The following GOSR2 variants were observed in gnomAD, a reference collection of about 807,000 sequenced individuals.
GOSR2 encodes the protein golgi SNAP receptor complex member 2.
GOSR2 carries 20 observed loss-of-function variants against 27.9 expected under a neutral mutation model. That is an observed-to-expected ratio of 0.72 (90% CI 0.50 to 1.04). The LOEUF (loss-of-function observed/expected upper bound fraction) is 1.04, where lower values mean the gene tolerates loss of function less well. Ranked by LOEUF, GOSR2 falls within the 50% of genes least tolerant of loss-of-function variation. The probability of loss-of-function intolerance (pLI) is 0.00; values close to 1 mark genes in which losing one functional copy is unlikely to be tolerated. For synonymous variants in GOSR2, 91 were observed against 98.8 expected, an observed-to-expected ratio of 0.92 and a Z score of 0.47; for missense variants, 261 against 270.5, an observed-to-expected ratio of 0.97 and a Z score of 0.25.
intron 1 of GOSR2, among the ~76,000 whole-genome samples, chr17:46,927,488 C>G (rs1484044425): frequency 6.6e-6 from 1 of 152,046 alleles, no homozygotes; most frequent in East Asian, 1.9e-4. Flanking sequence ...TTTATGCACA[C>G]CTGTATTTTC....
chr17:46,949,194 A>G (rs1432715665), intron 6 of GOSR2: 2 of 152,178 alleles, frequency 1.3e-5, no homozygotes, highest in Non-Finnish European at 2.9e-5. Flanking sequence ...CTGGGAGGAG[A>G]ATCATCTGAA....
chr17:46,940,820 CT>C lies in GOSR2; in HGVS notation c.*2061del. The C allele has an allele frequency of 6.8e-7, 1 of 1,468,134 alleles. No homozygotes were observed. The highest frequency in any genetic ancestry group is 9.0e-7 in the Non-Finnish European group (1 of 1,111,322). 90.9% of individuals were successfully genotyped at this position (1,468,134 alleles called of 1,614,324 possible). ...GTTTTTGGGTCTTTACCACCTGCGG[CT>C]GGTGGACAGCAGCCAGTGTGTCTGG... is the stretch of plus-strand genomic sequence containing the variant. On this transcript the variant is annotated 3_prime_UTR_variant, in exon 6 of 6. Transcript: ENST00000640051.
At chr17:46,942,700 G>A (rs750694626), downstream of GOSR2, among the ~76,000 whole-genome samples, 10 of 152,258 alleles carry the variant, frequency 6.6e-5, no homozygotes, top group Non-Finnish European at 1.2e-4. Flanking sequence ...CTCAGGCCTT[G>A]CCCCTAGGGG....
intron 1 of GOSR2, among the ~76,000 whole-genome samples, chr17:46,924,953 A>C (rs1298422231): frequency 6.6e-6 from 1 of 152,200 alleles, no homozygotes; most frequent in Non-Finnish European, 1.5e-5. Flanking sequence ...TTTATATTCA[A>C]GAATAACTTT....
intron 6 of GOSR2, chr17:46,952,668 TGA>T (rs1234658622): frequency 6.6e-6 from 1 of 152,122 alleles, no homozygotes; most frequent in East Asian, 1.9e-4. Context: ...TCCAGCTATG[TGA>T]GAGGCCACCT....
exon 7 of GOSR2, chr17:46,966,765 A>G (rs551446438): frequency 1.3e-4 from 61 of 465,326 alleles, no homozygotes; most frequent in African/African-American, 1.2e-3. Flanking sequence ...TGGAGATGAC[A>G]ATAGCACCTG....
At chr17:46,925,715 T>C (rs1463939079) in intron 1 of GOSR2, among the ~76,000 whole-genome samples, 3 of 152,170 alleles carry the variant, frequency 2.0e-5, no homozygotes, top group Admixed American at 6.5e-5. Flanking sequence ...GCTGAACTTA[T>C]TAATTTTACT....
At chr17:46,943,202 A>G (rs902703047), downstream of GOSR2, among the ~76,000 whole-genome samples, 2 of 152,098 alleles carry the variant, frequency 1.3e-5, no homozygotes, top group Non-Finnish European at 2.9e-5. Flanking sequence ...GCAGAGACCA[A>G]CTAGGGGCAG....
downstream of GOSR2, among the ~76,000 whole-genome samples, chr17:46,946,282 CAAAAA>C (rs58163051): frequency 0.013 from 1,628 of 126,730 alleles, 20 homozygotes; most frequent in Non-Finnish European, 0.02. Context: ...CTAAAAATAC[CAAAAA>C]AAAAAAAAAA....
At chr17:46,944,174 C>T (rs2089623634), downstream of GOSR2, among the ~76,000 whole-genome samples, 1 of 152,206 alleles carries the variant, frequency 6.6e-6, no homozygotes, top group South Asian at 2.1e-4. Context: ...ATTCCGTCTT[C>T]CAGAGCCCTG....
intron 6 of GOSR2, chr17:46,952,774 G>A (rs992873456): frequency 6.6e-6 from 1 of 152,184 alleles, no homozygotes; most frequent in African/African-American, 2.4e-5. Flanking sequence ...AGCCATGCCT[G>A]AAGCCTCAGA....
intron 6 of GOSR2, among the ~76,000 whole-genome samples, chr17:46,962,557 C>T (rs1021972045): frequency 2.0e-5 from 3 of 152,186 alleles, no homozygotes; most frequent in Non-Finnish European, 4.4e-5. Context: ...AAGAAAGCTG[C>T]CATACATCAA....
chr17:46,971,581 G>A (rs71375373), downstream of GOSR2, among the ~76,000 whole-genome samples: 719 of 152,296 alleles, frequency 4.7e-3, 8 homozygotes, highest in African/African-American at 0.017. Flanking sequence ...GTATGTACAT[G>A]TAGGAGCTTT....
intron 1 of GOSR2, among the ~76,000 whole-genome samples, chr17:46,925,856 TAATG>T (rs1054714918): frequency 2.5e-4 from 38 of 152,254 alleles, no homozygotes; most frequent in African/African-American, 5.8e-4. Flanking sequence ...TGAATGAAAA[TAATG>T]AATGAATGAA....
intron 6 of GOSR2, among the ~76,000 whole-genome samples, chr17:46,947,079 G>A (rs564739830): frequency 6.6e-6 from 1 of 152,272 alleles, no homozygotes; most frequent in African/African-American, 2.4e-5. Context: ...TGTGGAAAGA[G>A]TAGGGACGTA....
intron 5 of GOSR2, chr17:46,935,903 T>C (rs2088248247): frequency 3.0e-6 from 3 of 985,750 alleles, no homozygotes; most frequent in African/African-American, 1.7e-5. Context: ...GTTATCAGGG[T>C]GTGGTCCCCT....
intron 6 of GOSR2, chr17:46,966,399 C>T (rs2091322195): frequency 3.6e-6 from 2 of 562,134 alleles, no homozygotes; most frequent in African/African-American, 1.9e-5. Context: ...CCTCAGATAC[C>T]TGGTCCTTGT....
At position 46,940,414 on chromosome 17, in the gene GOSR2, G is replaced by T. The variant is rs373602816; in HGVS notation, c.*1654G>T. 438 of 1,591,182 alleles carry T rather than the reference G, an allele frequency of 2.8e-4. 2 individuals carry two copies. In the African/African-American group the frequency reaches 5.0e-3, roughly 18 times the overall value. The stretch of plus-strand genomic sequence containing the variant: ...GGGGGTTGCAGCATCTTTAGACCTA[G>T]ATCTGTCTAACTCTGGGGAGGCACA... On this transcript the variant is annotated 3_prime_UTR_variant, in exon 6 of 6. Transcript: ENST00000640051.
Position 46,940,603 on chromosome 17 carries a change from G to C in GOSR2, c.*1843G>C. On this transcript the variant is annotated 3_prime_UTR_variant, in exon 6 of 6. Coordinates refer to ENST00000640051, the MANE Select transcript of GOSR2 (RefSeq NM_004287.5). ...GCACACTTTGGAGGAAGGTCTGCAGGGAGCAGCTGAGCCATTTGTTCTTGA... is the reference window on the plus strand; with the variant it reads ...GCACACTTTGGAGGAAGGTCTGCAGCGAGCAGCTGAGCCATTTGTTCTTGA... 1 of 1,614,158 alleles carries C rather than the reference G, an allele frequency of 6.2e-7. No homozygotes were observed. Among genetic ancestry groups the C allele is most frequent in the Non-Finnish European group, 8.5e-7 (1 of 1,180,030 alleles).
Sources: gnomAD v4.1 joint callset for allele counts (sites outside exome capture counted in the v4.1 genomes callset) on GRCh38, gnomAD v4.1.1 for gene constraint, MANE v1.5 for transcripts, NCBI Gene and HGNC (gene_info 2026-07-23, HGNC 2026-07-21) for gene names.